CEP350: variants seen among roughly 807,000 people sequenced by gnomAD.
The protein encoded by CEP350 is centrosomal protein 350, also known as centrosome-associated protein 350.
In CEP350, 126 loss-of-function variants were observed where a neutral mutation model predicts 331.8. The observed-to-expected ratio is 0.38, with a 90% CI of 0.33 to 0.44. The LOEUF (loss-of-function observed/expected upper bound fraction) is 0.44, where lower values mean the gene tolerates loss of function less well. Among genes scored for constraint, CEP350 ranks in the 20% least tolerant of loss-of-function variants. CEP350 has a pLI of 1.00. For missense variants in CEP350, 3,406 were observed against 3,634.6 expected (o/e 0.94, Z 1.62); for synonymous variants, 1,200 against 1,259.5 (o/e 0.95, Z 1.00).
At chr1:180,067,084 T>C (rs758903085) in intron 27 of CEP350, among the ~76,000 whole-genome samples, 4 of 152,204 alleles carry the variant, frequency 2.6e-5, no homozygotes, top group African/African-American at 4.8e-5. Flanking sequence ...GGGATGCTTA[T>C]TTATTTCAGA....
Position 180,112,095 on chromosome 1 carries a change from G to A in CEP350, c.*934G>A, listed in dbSNP as rs1465488069. On this transcript the variant is annotated 3_prime_UTR_variant, in exon 38 of 38. Transcript: ENST00000367607. ...TACTTGAATGATTTAGGAAATGAGT[G>A]TGTGCACCAAAGACAAAAAGATATT... 1.3e-5 allele frequency: 2 copies of A among 152,686 alleles called. No individual in the cohort carries two copies. Among genetic ancestry groups the A allele is most frequent in the South Asian group, 4.1e-4 (2 of 4,832 alleles). The allele number at this position is 152,686 out of a possible 1,614,324, so 9.5% of individuals were successfully genotyped here.
chr1:180,033,950 G>A lies in CEP350; in HGVS notation c.3814G>A (p.Gly1272Arg). The A allele has an allele frequency of 6.2e-7, 1 of 1,613,870 alleles. No homozygotes were observed. Among genetic ancestry groups the A allele is most frequent in the Non-Finnish European group, 8.5e-7 (1 of 1,179,830 alleles). The stretch of plus-strand genomic sequence containing the variant: ...GAAATCATTGCAGTTTGACGTTGCA[G>A]GAACTTCTTCAGAAAGATCTAAGTC... ...SQKSLQFDVA[G>R]TSSERSKSSV... is the part of the protein sequence containing the mutation. Residue 1272 changes from glycine to arginine, a missense_variant, in exon 16 of 38, where the codon GGA (glycine) becomes AGA (arginine). Transcript: ENST00000367607.
At chr1:180,045,124 C>T (rs982351112) in intron 21 of CEP350, among the ~76,000 whole-genome samples, 3 of 152,056 alleles carry the variant, frequency 2.0e-5, no homozygotes, top group Admixed American at 1.3e-4. Context: ...GGAAGATCAC[C>T]TGAGGTTAGG....
chr1:180,097,862 A>G (rs966741372), intron 36 of CEP350, among the ~76,000 whole-genome samples: 9 of 152,138 alleles, frequency 5.9e-5, no homozygotes. Context: ...CTCACATTAC[A>G]TTGTCCCCAA....
At chr1:179,958,399 A>C (rs1477046867) in intron 1 of CEP350, among the ~76,000 whole-genome samples, 1 of 152,226 alleles carries the variant, frequency 6.6e-6, no homozygotes, top group Non-Finnish European at 1.5e-5. Flanking sequence ...TTATTTCAAG[A>C]TGTCAATAAC....
intron 11 of CEP350, among the ~76,000 whole-genome samples, chr1:180,016,279 A>T (rs570634997): frequency 6.6e-6 from 1 of 152,330 alleles, no homozygotes; most frequent in East Asian, 1.9e-4. Flanking sequence ...TGAAATTTTA[A>T]AGTGTTTTTG....
intron 1 of CEP350, among the ~76,000 whole-genome samples, chr1:179,976,240 A>T (rs1207385230): frequency 2.6e-5 from 4 of 151,894 alleles, no homozygotes; most frequent in Non-Finnish European, 4.4e-5. Flanking sequence ...AGAAAAAAAA[A>T]TAGCTTTTTA....
intron 3 of CEP350, 67 bp downstream of exon 3, chr1:179,987,353 G>T: frequency 1.2e-6 from 1 of 836,232 alleles, no homozygotes; most frequent in South Asian, 1.6e-5. Context: ...TGATTGAATA[G>T]ATTAAAATGT....
At position 180,098,874 on chromosome 1, in the gene CEP350, A is replaced by G. The variant is rs761908308; in HGVS notation, c.9078A>G (p.Ala3026=). Residue 3026 remains alanine, a synonymous_variant, in exon 37 of 38, where the codon GCA becomes GCG. Transcript: ENST00000367607. The stretch of plus-strand genomic sequence containing the variant: ...TCTTGTTTCCACAGAGCTTCATAGC[A>G]AGTGAAGTACTCAAGTTGTTCAGTC... The part of the protein sequence containing the change: ...NNLDEIKSFI[A]SEVLKLFSLK... 40 of 1,612,792 alleles carry G rather than the reference A, an allele frequency of 2.5e-5. No individual in the cohort carries two copies. Among genetic ancestry groups the G allele is most frequent in the Non-Finnish European group, 3.3e-5 (39 of 1,179,398 alleles).
At chr1:180,098,081 C>T (rs1050719569) in intron 36 of CEP350, among the ~76,000 whole-genome samples, 3 of 152,206 alleles carry the variant, frequency 2.0e-5, no homozygotes, top group African/African-American at 7.2e-5. Flanking sequence ...AGTGATTCTC[C>T]TGCCTCAGCC....
At chr1:180,065,388 T>A in intron 27 of CEP350, 116 bp downstream of exon 27, 1 of 1,006,610 alleles carries the variant, frequency 9.9e-7, no homozygotes, top group Non-Finnish European at 1.4e-6. Context: ...ATGGATTCAG[T>A]AGCATTTTAG....
chr1:180,065,353 A>G (rs772800158), intron 27 of CEP350, 81 bp downstream of exon 27: 252 of 1,332,604 alleles, frequency 1.9e-4, no homozygotes, highest in Non-Finnish European at 2.4e-4. Context: ...ATACTTCACT[A>G]GATTAGATTG....
chr1:180,108,691 A>G (rs1018817292), intron 37 of CEP350, among the ~76,000 whole-genome samples: 3 of 152,188 alleles, frequency 2.0e-5, no homozygotes, highest in African/African-American at 7.2e-5. Flanking sequence ...AGGAACACCA[A>G]TTCCATGGTA....
chr1:180,013,204 A>G (rs1287388944), intron 9 of CEP350, among the ~76,000 whole-genome samples: 2 of 152,170 alleles, frequency 1.3e-5, no homozygotes, highest in African/African-American at 4.8e-5. Context: ...CAGATGAGAG[A>G]CTAATTCTGA....
chr1:180,080,272 CTT>C (rs1259232806), intron 29 of CEP350, among the ~76,000 whole-genome samples: 1 of 151,920 alleles, frequency 6.6e-6, no homozygotes, highest in Non-Finnish European at 1.5e-5. Flanking sequence ...AAACCATGCT[CTT>C]TTATAATTTT....
chr1:179,963,039 A>G (rs1484006707), intron 1 of CEP350, among the ~76,000 whole-genome samples: 1 of 151,854 alleles, frequency 6.6e-6, no homozygotes, highest in Non-Finnish European at 1.5e-5. Context: ...TGTGGTTTTA[A>G]TTTGTATTTT....
At chr1:179,985,542 C>A (rs762462934) in intron 1 of CEP350, among the ~76,000 whole-genome samples, 15 of 152,062 alleles carry the variant, frequency 9.9e-5, no homozygotes, top group Non-Finnish European at 1.8e-4. Flanking sequence ...TATAAATTAT[C>A]CAAGACTGGG....
chr1:180,006,928 A>G (rs528299734), intron 8 of CEP350, among the ~76,000 whole-genome samples: 7 of 152,284 alleles, frequency 4.6e-5, no homozygotes, highest in Admixed American at 4.6e-4. Context: ...TTCCCTGCAA[A>G]GGACATGAAC....
At chr1:180,012,216 C>G (rs1005341442) in intron 9 of CEP350, 141 bp downstream of exon 9, 4 of 711,192 alleles carry the variant, frequency 5.6e-6, no homozygotes, top group Non-Finnish European at 9.2e-6. Flanking sequence ...AAAAAATGTT[C>G]TATTGGGCTT....
Sources: gnomAD v4.1 joint callset for allele counts (sites outside exome capture counted in the v4.1 genomes callset) on GRCh38, gnomAD v4.1.1 for gene constraint, MANE v1.5 for transcripts, NCBI Gene and HGNC (gene_info 2026-07-23, HGNC 2026-07-21) for gene names.